The following CNTNAP2 variants were observed in gnomAD, a reference collection of about 807,000 sequenced individuals.
CNTNAP2 encodes the protein contactin associated protein 2.
Under a neutral mutation model 155.2 loss-of-function variants are expected in CNTNAP2, and 98 were observed. That is an observed-to-expected ratio of 0.63 (90% confidence interval 0.54 to 0.75). The LOEUF (loss-of-function observed/expected upper bound fraction) is 0.75, where lower values mean the gene tolerates loss of function less well. Ranked by LOEUF, CNTNAP2 falls within the 30% of genes least tolerant of loss-of-function variation. The probability of loss-of-function intolerance (pLI) is 0.00; values close to 1 mark genes in which losing one functional copy is unlikely to be tolerated. For synonymous variants in CNTNAP2, 651 were observed against 631.2 expected (o/e 1.03, Z -0.47); for missense variants, 1,727 against 1,688.1 (o/e 1.02, Z -0.40).
At chr7:147,226,093 A>G (rs149897747) in intron 8 of CNTNAP2, among the ~76,000 whole-genome samples, 80 of 152,322 alleles carry the variant, frequency 5.3e-4, no homozygotes, top group Non-Finnish European at 8.8e-4. Flanking sequence ...TTCAATTCTA[A>G]TATCAGCACT....
chr7:147,886,523 TC>T (rs35990824), intron 13 of CNTNAP2, among the ~76,000 whole-genome samples: 29,284 of 142,768 alleles, frequency 0.21, 3,839 homozygotes, highest in African/African-American at 0.36. Context: ...GTAATCTCTC[TC>T]TCTCTTGAAG....
intron 1 of CNTNAP2, among the ~76,000 whole-genome samples, chr7:146,529,791 C>A (rs747552014): frequency 1.3e-5 from 2 of 151,902 alleles, no homozygotes; most frequent in Non-Finnish European, 2.9e-5. Flanking sequence ...ATGGTGAAAC[C>A]CCGTCTCTAC....
At chr7:147,603,962 G>A (rs555253368) in intron 12 of CNTNAP2, among the ~76,000 whole-genome samples, 2,788 of 151,420 alleles carry the variant, frequency 0.018, 94 homozygotes, top group African/African-American at 0.064. Context: ...AGAAAAACAA[G>A]CAATGGGGAA....
intron 3 of CNTNAP2, among the ~76,000 whole-genome samples, chr7:146,937,145 T>G (rs1272560704): frequency 6.6e-6 from 1 of 152,052 alleles, no homozygotes; most frequent in Middle Eastern, 3.4e-3. Context: ...CTCAGCACTT[T>G]GGGAGGCCAA....
intron 3 of CNTNAP2, among the ~76,000 whole-genome samples, chr7:146,970,319 AGGGC>A (rs1183647937): frequency 1.3e-5 from 2 of 151,934 alleles, no homozygotes; most frequent in East Asian, 3.9e-4. Flanking sequence ...CATCTGACAA[AGGGC>A]TACTATCCAG....
At chr7:147,661,728 T>A (rs1795613402) in intron 13 of CNTNAP2, among the ~76,000 whole-genome samples, 1 of 152,050 alleles carries the variant, frequency 6.6e-6, no homozygotes, top group Non-Finnish European at 1.5e-5. Context: ...AATTTTTGTA[T>A]TTTTAGTAGA....
intron 15 of CNTNAP2, among the ~76,000 whole-genome samples, chr7:148,023,703 T>C (rs1802325108): frequency 6.6e-6 from 1 of 152,176 alleles, no homozygotes; most frequent in African/African-American, 2.4e-5. Flanking sequence ...TTGTGGCACA[T>C]GAAGCCATTG....
At chr7:147,684,607 G>T (rs888024936) in intron 13 of CNTNAP2, among the ~76,000 whole-genome samples, 1 of 151,684 alleles carries the variant, frequency 6.6e-6, no homozygotes. Flanking sequence ...ATCGTTGATG[G>T]CCCTGAGGTG....
intron 1 of CNTNAP2, among the ~76,000 whole-genome samples, chr7:146,395,812 GAT>G (rs1563068347): frequency 4.2e-5 from 6 of 141,192 alleles, no homozygotes; most frequent in South Asian, 2.2e-4. Context: ...TAGATAGATA[GAT>G]AGATAGATAG....
intron 10 of CNTNAP2, among the ~76,000 whole-genome samples, chr7:147,434,406 C>T (rs1430955244): frequency 6.6e-6 from 1 of 152,124 alleles, no homozygotes; most frequent in Non-Finnish European, 1.5e-5. Flanking sequence ...ATATTGTCTA[C>T]CAAGATATTG....
intron 15 of CNTNAP2, among the ~76,000 whole-genome samples, chr7:148,018,492 A>C (rs1305407193): frequency 6.6e-6 from 1 of 152,244 alleles, no homozygotes; most frequent in African/African-American, 2.4e-5. Flanking sequence ...CTAAGGGGAA[A>C]AACTCACACA....
intron 15 of CNTNAP2, among the ~76,000 whole-genome samples, chr7:148,029,672 C>T (rs969579221): frequency 7.2e-5 from 11 of 152,092 alleles, no homozygotes; most frequent in Non-Finnish European, 1.2e-4. Flanking sequence ...CAATTTTAAA[C>T]CTGCGAATAT....
chr7:147,196,544 GTTCAA>G (rs1802803824), intron 8 of CNTNAP2, among the ~76,000 whole-genome samples: 1 of 152,184 alleles, frequency 6.6e-6, no homozygotes, highest in Non-Finnish European at 1.5e-5. Context: ...ACTGCATTAA[GTTCAA>G]TGTAATCTTC....
chr7:148,147,770 C>CAAA, intron 17 of CNTNAP2, 61 bp downstream of exon 17: 21 of 1,236,916 alleles, frequency 1.7e-5, no homozygotes, highest in East Asian at 2.6e-5. Context: ...CTGCACAATA[C>CAAA]AAAAAAAAAA....
intron 1 of CNTNAP2, among the ~76,000 whole-genome samples, chr7:146,643,525 G>A (rs1283612598): frequency 6.6e-6 from 1 of 151,944 alleles, no homozygotes; most frequent in African/African-American, 2.4e-5. Flanking sequence ...CTATATCTCT[G>A]TTTTGGTACC....
intron 8 of CNTNAP2, among the ~76,000 whole-genome samples, chr7:147,264,743 A>T (rs73742511): frequency 1.3e-5 from 2 of 151,658 alleles, no homozygotes; most frequent in Non-Finnish European, 2.9e-5. Context: ...GCAATGGAGG[A>T]TGCAGCAAGA....
At chr7:147,125,192 T>G (rs955404234) in intron 6 of CNTNAP2, among the ~76,000 whole-genome samples, 39 of 152,148 alleles carry the variant, frequency 2.6e-4, no homozygotes, top group African/African-American at 9.2e-4. Flanking sequence ...AATTTTTGTA[T>G]TTTTAGTATA....
chr7:146,806,903 T>G (rs928821366), intron 2 of CNTNAP2, among the ~76,000 whole-genome samples: 1 of 152,164 alleles, frequency 6.6e-6, no homozygotes. Context: ...TCTGTAAAAG[T>G]GGTATAATAC....
chr7:147,769,949 T>G (rs1361442345), intron 13 of CNTNAP2, among the ~76,000 whole-genome samples: 1 of 152,156 alleles, frequency 6.6e-6, no homozygotes, highest in East Asian at 1.9e-4. Flanking sequence ...ACTCAGGAAA[T>G]GTTAGCTCTT....
Sources: gnomAD v4.1 joint callset for allele counts (sites outside exome capture counted in the v4.1 genomes callset) on GRCh38, gnomAD v4.1.1 for gene constraint, MANE v1.5 for transcripts, NCBI Gene and HGNC (gene_info 2026-07-23, HGNC 2026-07-21) for gene names.